TACC2: variants seen among roughly 807,000 people sequenced by gnomAD.
TACC2 encodes transforming acidic coiled-coil-containing protein 2.
In TACC2, 137 loss-of-function variants were observed where a neutral mutation model predicts 227.3. The ratio of observed to expected loss-of-function variants is 0.60; its 90% CI spans 0.52 to 0.69. TACC2 has a LOEUF of 0.69. TACC2 is among the 30% of genes least tolerant of loss of function. The pLI is 0.00. For synonymous variants in TACC2, 1,523 were observed against 1,487.5 expected, an observed-to-expected ratio of 1.02 and a Z score of -0.55; for missense variants, 3,470 against 3,694.4, an observed-to-expected ratio of 0.94 and a Z score of 1.57.
intron 4 of TACC2, among the ~76,000 whole-genome samples, 183 bp downstream of exon 4, chr10:122,088,142 A>G (rs942524407): frequency 6.6e-6 from 1 of 151,948 alleles, no homozygotes; most frequent in African/African-American, 2.4e-5. Context: ...AAATGTGAGA[A>G]CCATGGTTGG....
intron 7 of TACC2, among the ~76,000 whole-genome samples, chr10:122,161,767 T>A (rs1251025662): frequency 1.3e-5 from 2 of 152,258 alleles, no homozygotes; most frequent in Non-Finnish European, 2.9e-5. Flanking sequence ...AGTACGAGGC[T>A]TGGCTGAAGG....
chr10:122,223,842 C>G (rs987181357), intron 11 of TACC2, among the ~76,000 whole-genome samples: 7 of 152,160 alleles, frequency 4.6e-5, no homozygotes, highest in African/African-American at 1.2e-4. Flanking sequence ...CTCTTCACCT[C>G]TTGGTTTTCT....
Position 122,008,264 on chromosome 10 carries a change from A to ATTATTATTTTTTTT in TACC2, c.-45-13671_-45-13670insATTATTTTTTTTTT. Among the ~76,000 whole-genome samples, 19 of 134,662 alleles carry ATTATTATTTTTTTT rather than the reference A, an allele frequency of 1.4e-4. No homozygotes were observed. The East Asian group carries it at 1.7e-3, about 12-fold the overall frequency. The allele number at this position is 134,662 out of a possible 152,430, so 88.3% of individuals were successfully genotyped here. ...TCCCTTTGTTATTATTATTATTATT[A>ATTATTATTTTTTTT]TTTTTTTTTTTTGAGACAGAATTTT... On this transcript the variant is annotated intron_variant, in intron 1 of 22. Coordinates refer to ENST00000369005, the MANE Select transcript of TACC2 (RefSeq NM_206862.4).
chr10:122,145,776 G>A (rs1443289758), intron 7 of TACC2, among the ~76,000 whole-genome samples: 3 of 152,160 alleles, frequency 2.0e-5, no homozygotes, highest in African/African-American at 7.2e-5. Flanking sequence ...CCTGGCACCA[G>A]CAGACACAAG....
intron 6 of TACC2, among the ~76,000 whole-genome samples, chr10:122,143,256 A>G (rs10788252): frequency 0.25 from 38,628 of 152,052 alleles, 5,134 homozygotes; most frequent in East Asian, 0.36. Context: ...CCTCTCCTCT[A>G]AACAAAAATC....
At position 122,210,747 on chromosome 10, in the gene TACC2, C is replaced by T. The variant is rs760159868; in HGVS notation, c.6322C>T (p.Leu2108Phe). ...CTCAGGCAATCCCGAGGCCGTGGCC[C>T]TTGCCCCAGATGCATATAGCACGGG... is the stretch of plus-strand genomic sequence containing the variant. ...SSSGNPEAVA[L>F]APDAYSTGSS... Residue 2108 changes from leucine to phenylalanine, a missense_variant, in exon 9 of 23, where the codon CTT (leucine) becomes TTT (phenylalanine). Coordinates refer to ENST00000369005, the MANE Select transcript of TACC2 (RefSeq NM_206862.4). This position sits in a 1 kb window ranked among gnomAD's most constrained non-coding sequence, Gnocchi z 4.6. 31 of 1,613,936 alleles carry T rather than the reference C, an allele frequency of 1.9e-5. No homozygotes were observed. Among genetic ancestry groups the T allele is most frequent in the Admixed American group, 3.3e-5 (2 of 60,000 alleles).
At chr10:122,163,771 C>T (rs907129697) in intron 7 of TACC2, 4 of 1,218,702 alleles carry the variant, frequency 3.3e-6, no homozygotes, top group African/African-American at 3.2e-5. Context: ...AGCTCCCTGC[C>T]GCCGCTCCCG....
At chr10:122,237,929 G>T in intron 17 of TACC2, 32 bp from the exon 18 acceptor site, 1 of 1,553,422 alleles carries the variant, frequency 6.4e-7, no homozygotes, top group African/African-American at 1.4e-5. Flanking sequence ...CTCATTTGGG[G>T]CTAACCTTTC....
In TACC2 at chr10:122,210,949, C is replaced by T. The variant is rs146669395; in HGVS notation, c.6524C>T (p.Thr2175Met). The T allele has an allele frequency of 9.5e-5, 154 of 1,613,816 alleles. 1 individual carries two copies. Among genetic ancestry groups the T allele is most frequent in the South Asian group, 1.6e-4 (15 of 91,068 alleles). Residue 2175 changes from threonine (T) to methionine (M), a missense_variant, in exon 9 of 23, where the codon ACG (threonine) becomes ATG (methionine). By Grantham distance (81) the Thr-to-Met change is moderately conservative. This residue lies in a region of TACC2 where 593 missense variants were observed against 636.6 expected (regional missense o/e 0.93). Coordinates refer to ENST00000369005, the MANE Select transcript of TACC2 (RefSeq NM_206862.4). This position sits in a 1 kb window ranked among gnomAD's most constrained non-coding sequence, Gnocchi z 4.6. The stretch of plus-strand genomic sequence containing the variant: ...GAGAATCTAGCATCTGAGACGAAAA[C>T]GGAATCTGCCAAGACGGAAGGTCCT... ...SGENLASETK[T>M]ESAKTEGPSP...
At chr10:122,252,615 C>T (rs1460015405) in intron 22 of TACC2, among the ~76,000 whole-genome samples, 1 of 151,986 alleles carries the variant, frequency 6.6e-6, no homozygotes, top group Non-Finnish European at 1.5e-5. Context: ...CTCAGCTTCC[C>T]TAGTAGCTGG....
intron 7 of TACC2, among the ~76,000 whole-genome samples, chr10:122,170,591 T>A (rs1284196239): frequency 6.6e-6 from 1 of 152,214 alleles, no homozygotes; most frequent in African/African-American, 2.4e-5. Context: ...CGTGAGCCAC[T>A]GTGCCTGACC....
At chr10:122,045,268 T>C (rs1407425560) in intron 2 of TACC2, among the ~76,000 whole-genome samples, 1 of 152,260 alleles carries the variant, frequency 6.6e-6, no homozygotes, top group Non-Finnish European at 1.5e-5. Context: ...GTCCAATTGC[T>C]ATAATTCCTT....
At chr10:122,007,125 G>A (rs1361409800) in intron 1 of TACC2, among the ~76,000 whole-genome samples, 1 of 152,026 alleles carries the variant, frequency 6.6e-6, no homozygotes, top group Admixed American at 6.6e-5. Context: ...GCCTCCCAAA[G>A]TTCTGGGATT....
intron 2 of TACC2, among the ~76,000 whole-genome samples, chr10:122,037,503 A>G (rs1381802710): frequency 1.3e-5 from 2 of 152,208 alleles, no homozygotes; most frequent in Non-Finnish European, 2.9e-5. Context: ...GAGACTCAGC[A>G]CTCAGCCAGA....
intron 7 of TACC2, among the ~76,000 whole-genome samples, chr10:122,178,663 C>G (rs2093843382): frequency 6.6e-6 from 1 of 152,186 alleles, no homozygotes; most frequent in Non-Finnish European, 1.5e-5. Flanking sequence ...GCAGGTGGAT[C>G]ACTTAAGGCC....
intron 2 of TACC2, among the ~76,000 whole-genome samples, chr10:122,032,466 C>G (rs1959102605): frequency 6.6e-6 from 1 of 152,172 alleles, no homozygotes; most frequent in South Asian, 2.1e-4. Flanking sequence ...CTGAAGAAAC[C>G]TCCTGTTCAC....
intron 7 of TACC2, among the ~76,000 whole-genome samples, chr10:122,148,009 G>A (rs1043688463): frequency 6.6e-6 from 1 of 152,102 alleles, no homozygotes; most frequent in Admixed American, 6.5e-5. Flanking sequence ...TGAGTTCCTG[G>A]AGGTTTTCAA....
At chr10:122,032,321 G>A (rs1380188523) in intron 2 of TACC2, among the ~76,000 whole-genome samples, 3 of 152,052 alleles carry the variant, frequency 2.0e-5, no homozygotes, top group Non-Finnish European at 4.4e-5. Context: ...CCTCCAAACT[G>A]CTATCTCTGT....
intron 19 of TACC2, among the ~76,000 whole-genome samples, chr10:122,242,243 G>GCCAGCCACCATCTGACTCAGCCAA (rs902159419): frequency 7.2e-5 from 11 of 152,344 alleles, no homozygotes; most frequent in Admixed American, 2.0e-4. Flanking sequence ...GCAGTCACCT[G>GCCAGCCACCATCTGACTCAGCCAA]CCAGCCACCA....
Sources: allele counts gnomAD v4.1 joint callset (sites outside exome capture counted in the v4.1 genomes callset), GRCh38; gene constraint gnomAD v4.1.1; regional missense constraint gnomAD v4.1.1; non-coding constraint Gnocchi (gnomAD v3.1); transcripts MANE v1.5; gene names NCBI Gene and HGNC (gene_info 2026-07-23, HGNC 2026-07-21).